PTPN14: variants seen among roughly 807,000 people sequenced by gnomAD.
The protein encoded by PTPN14 is protein tyrosine phosphatase non-receptor type 14.
PTPN14 carries 53 observed loss-of-function variants against 126.8 expected under a neutral mutation model. The observed-to-expected ratio is 0.42, with a 90% CI of 0.34 to 0.53. PTPN14 has a LOEUF of 0.53. Ranked by LOEUF, PTPN14 falls within the 20% of genes least tolerant of loss-of-function variation. PTPN14 has a pLI of 0.08. For missense variants in PTPN14, 1,257 were observed against 1,552.9 expected (o/e 0.81, Z 3.20); for synonymous variants, 630 against 599.3 (o/e 1.05, Z -0.75).
At position 214,384,501 on chromosome 1, in the gene PTPN14, T is replaced by C; in HGVS notation, c.1354A>G (p.Met452Val). ...TCTGTATGCAGGATCCCCCTCTTCA[T>C]CTGGCGCATGACTGTCTCATAATCG... ...TPDYETVMRQ[M>V]KRGILHTDSQ... The change falls in exon 13 of 19, where the codon ATG becomes GTG. Residue 452 changes from methionine (M) to valine (V), a missense_variant. Physicochemically the swap from Met to Val is conservative, Grantham distance 21. Transcript: ENST00000366956. The surrounding 1 kb of genome is among the most constrained non-coding windows in gnomAD (Gnocchi z 5.3). The C allele has an allele frequency of 6.2e-7, 1 of 1,614,132 alleles. No homozygotes were observed. The highest frequency in any genetic ancestry group is 8.5e-7 in the Non-Finnish European group (1 of 1,180,030).
At chr1:214,516,498 A>G (rs1409011701) in intron 1 of PTPN14, among the ~76,000 whole-genome samples, 3 of 152,216 alleles carry the variant, frequency 2.0e-5, no homozygotes, top group East Asian at 1.9e-4. Flanking sequence ...TAGCATTCCT[A>G]TAAAAGCAGA....
intron 1 of PTPN14, among the ~76,000 whole-genome samples, chr1:214,490,981 AGG>A (rs1459656923): frequency 5.7e-4 from 69 of 121,064 alleles, no homozygotes; most frequent in Admixed American, 3.6e-3. Flanking sequence ...AAGGAAAGGA[AGG>A]AAGGAAGGGA....
chr1:214,374,200 T>C (rs990094714), intron 15 of PTPN14, among the ~76,000 whole-genome samples: 1 of 152,228 alleles, frequency 6.6e-6, no homozygotes, highest in African/African-American at 2.4e-5. Context: ...TGTTTGAAAC[T>C]TTTTCCCCTC....
intron 3 of PTPN14, among the ~76,000 whole-genome samples, chr1:214,442,925 G>A (rs1660067092): frequency 6.6e-6 from 1 of 151,828 alleles, no homozygotes; most frequent in African/African-American, 2.4e-5. Flanking sequence ...CTGGGTTCAA[G>A]CGATTCTCCC....
intron 1 of PTPN14, chr1:214,533,101 G>A (rs1195963690): frequency 5.3e-5 from 39 of 731,992 alleles, no homozygotes; most frequent in South Asian, 7.2e-5. Flanking sequence ...CTTGGAGATC[G>A]ACCTGGACTC....
In PTPN14 at chr1:214,351,628, G is replaced by A. The variant is rs920154081; in HGVS notation, c.*6294C>T. ...CAAGGAAAGGCTGCCAGCAGCAGGC[G>A]AGGGAAGATGGTGCTTTTGATCAGC... On this transcript the variant is annotated 3_prime_UTR_variant, in exon 19 of 19. Transcript: ENST00000366956. 1.3e-5 allele frequency: 2 copies of A among 152,320 alleles called. No homozygotes were observed. The highest frequency in any genetic ancestry group is 4.8e-5 in the African/African-American group (2 of 41,472). 9.4% of individuals were successfully genotyped at this position (152,320 alleles called of 1,614,324 possible).
At chr1:214,464,513 A>G in intron 2 of PTPN14, 117 bp downstream of exon 2, 1 of 1,346,368 alleles carries the variant, frequency 7.4e-7, no homozygotes, top group Non-Finnish European at 1.0e-6. Flanking sequence ...ATCGTCGCTT[A>G]GGCCAAAAAA....
chr1:214,406,908 A>C (rs1659185111), intron 5 of PTPN14, among the ~76,000 whole-genome samples: 1 of 152,186 alleles, frequency 6.6e-6, no homozygotes, highest in African/African-American at 2.4e-5. Flanking sequence ...CTTTAATGAG[A>C]GTAAGGCGAA....
chr1:214,393,053 T>C (rs374674782), intron 10 of PTPN14, among the ~76,000 whole-genome samples: 13 of 152,310 alleles, frequency 8.5e-5, no homozygotes, highest in African/African-American at 2.9e-4. Flanking sequence ...AAGACAACGA[T>C]AGAGTGAGCC....
chr1:214,458,534 C>T, intron 2 of PTPN14, among the ~76,000 whole-genome samples: 1 of 152,156 alleles, frequency 6.6e-6, no homozygotes, highest in South Asian at 2.1e-4. Flanking sequence ...AAAACTAACT[C>T]TCTGAATCCT....
chr1:214,436,136 CAT>C (rs1659909859), intron 3 of PTPN14, among the ~76,000 whole-genome samples: 1 of 152,144 alleles, frequency 6.6e-6, no homozygotes, highest in Admixed American at 6.5e-5. Context: ...AGTGAGCTAA[CAT>C]AGGAACAGAA....
In PTPN14 at chr1:214,376,239, T is replaced by C. The variant is rs1658339960; in HGVS notation, c.2887A>G (p.Ile963Val). The C allele has an allele frequency of 3.7e-6, 6 of 1,614,018 alleles. No individual in the cohort carries two copies. The highest frequency in any genetic ancestry group is 5.1e-6 in the Non-Finnish European group (6 of 1,179,856). Reference protein sequence around the residue: ...IPTKENNTGYINASHIKVVVG... With the variant: ...IPTKENNTGYVNASHIKVVVG... ...CTTACCTTGATGTGGGAGGCATTAA[T>C]GTATCCTGTGTTATTTTCTTTGGTT... The change falls in exon 15 of 19, where the codon ATT (isoleucine) becomes GTT (valine). Residue 963 changes from isoleucine (I) to valine (V), a missense_variant. This residue lies in a region of PTPN14 where 65 missense variants were observed against 139.7 expected (regional missense o/e 0.47). Coordinates refer to ENST00000366956, the MANE Select transcript of PTPN14 (RefSeq NM_005401.5).
intron 7 of PTPN14, among the ~76,000 whole-genome samples, chr1:214,398,983 G>A (rs1450716541): frequency 6.7e-6 from 1 of 149,504 alleles, no homozygotes. Flanking sequence ...TGGCCAGGAT[G>A]GTCTCGATCT....
intron 3 of PTPN14, among the ~76,000 whole-genome samples, chr1:214,415,492 A>G (rs1659405858): frequency 6.6e-6 from 1 of 152,248 alleles, no homozygotes; most frequent in Non-Finnish European, 1.5e-5. Flanking sequence ...AGTCACAACG[A>G]CAACAATCAC....
At chr1:214,520,065 A>T (rs371888990) in intron 1 of PTPN14, among the ~76,000 whole-genome samples, 7,733 of 71,150 alleles carry the variant, frequency 0.11, 488 homozygotes, top group Middle Eastern at 0.19. Context: ...AAAAAAAAAA[A>T]ATATATATAT....
rs143704524 is a variant in PTPN14, at chr1:214,407,853, G to GA, written c.510+3830_510+3831insT. Among the ~76,000 whole-genome samples the GA allele has an allele frequency of 4.6e-3, 708 of 152,290 alleles. 5 individuals are homozygous for GA. Among genetic ancestry groups the GA allele is most frequent in the African/African-American group, 0.016 (674 of 41,546 alleles). The stretch of plus-strand genomic sequence containing the variant: ...GCTTGAATCCAGCAGTTCTCAAAGT[G>GA]TGGGGTCTGCAGAACTCAAAGGAGC... On this transcript the variant is annotated intron_variant, in intron 5 of 18. Coordinates refer to ENST00000366956, the MANE Select transcript of PTPN14 (RefSeq NM_005401.5).
At chr1:214,511,282 G>A (rs1039469283) in intron 1 of PTPN14, among the ~76,000 whole-genome samples, 1 of 151,900 alleles carries the variant, frequency 6.6e-6, no homozygotes, top group Admixed American at 6.6e-5. Context: ...TACTACAAAA[G>A]GTACTAATAA....
chr1:214,401,035 A>C (rs1412888185), intron 7 of PTPN14, among the ~76,000 whole-genome samples: 2 of 152,106 alleles, frequency 1.3e-5, no homozygotes, highest in Non-Finnish European at 2.9e-5. Context: ...TTTTTTGTAA[A>C]GTTGGTCAAC....
At chr1:214,503,403 G>C (rs1654756811) in intron 1 of PTPN14, among the ~76,000 whole-genome samples, 1 of 152,194 alleles carries the variant, frequency 6.6e-6, no homozygotes, top group South Asian at 2.1e-4. Flanking sequence ...AGAAGAGACT[G>C]AAGCCAGAAT....
Sources: gnomAD v4.1 joint callset for allele counts (sites outside exome capture counted in the v4.1 genomes callset) on GRCh38, gnomAD v4.1.1 for gene constraint, gnomAD v4.1.1 regional missense constraint, Gnocchi (gnomAD v3.1) non-coding constraint, MANE v1.5 for transcripts, NCBI Gene and HGNC (gene_info 2026-07-23, HGNC 2026-07-21) for gene names.